The following FTCD variants were observed in gnomAD, a reference collection of about 807,000 sequenced individuals.
FTCD encodes the protein formimidoyltransferase cyclodeaminase.
FTCD carries 76 observed loss-of-function variants against 62.9 expected under a neutral mutation model. The ratio of observed to expected loss-of-function variants is 1.21; its 90% CI spans 1.00 to 1.46. FTCD has a LOEUF of 1.46. Among genes scored for constraint, FTCD ranks in the 40% most tolerant of loss-of-function variants. The pLI, the probability that FTCD is intolerant of heterozygous loss-of-function variation, is 0.00. For missense variants in FTCD, 845 were observed against 751.3 expected, an observed-to-expected ratio of 1.12 and a Z score of -1.46; for synonymous variants, 397 against 336.9, an observed-to-expected ratio of 1.18 and a Z score of -1.95.
intron 10 of FTCD, among the ~76,000 whole-genome samples, chr21:46,143,329 T>TCCCTCTCTCCCCACTC (rs2079060757): frequency 8.8e-6 from 1 of 114,170 alleles, no homozygotes; most frequent in South Asian, 2.9e-4. Context: ...TCTCCCCACC[T>TCCCTCTCTCCCCACTC]CCCTCTCTCC....
At chr21:46,143,385 T>A (rs1438634855) in intron 10 of FTCD, among the ~76,000 whole-genome samples, 2 of 144,540 alleles carry the variant, frequency 1.4e-5, no homozygotes, top group African/African-American at 5.0e-5. Flanking sequence ...ATCTCCCTCT[T>A]GTGGGCGGCA....
Position 46,138,495 on chromosome 21 carries a change from C to A in FTCD, c.1443+13G>T. The A allele has an allele frequency of 6.3e-7, 1 of 1,576,728 alleles. No individual in the cohort carries two copies. The highest frequency in any genetic ancestry group is 2.3e-5 in the East Asian group (1 of 43,958). On this transcript the variant is annotated intron_variant, in intron 12 of 13. Transcript: ENST00000397746. ...TTGCGGCAGGAGGCCTGGGGTCCCC[C>A]GGGCCCCCCTACCTGGAGGTCTGAC...
intron 1 of FTCD, among the ~76,000 whole-genome samples, chr21:46,154,846 C>T (rs1037454721): frequency 2.6e-5 from 4 of 152,250 alleles, no homozygotes; most frequent in African/African-American, 9.6e-5. Context: ...ACGAGGCCTC[C>T]CTGCACCCCT....
intron 1 of FTCD, among the ~76,000 whole-genome samples, chr21:46,154,993 C>A (rs139889294): frequency 6.6e-6 from 1 of 152,312 alleles, no homozygotes; most frequent in South Asian, 2.1e-4. Context: ...CCTGCTGCCC[C>A]CTCTGTGCCT....
chr21:46,138,388 TG>T, intron 12 of FTCD, 119 bp downstream of exon 12: 2 of 949,778 alleles, frequency 2.1e-6, no homozygotes, highest in Non-Finnish European at 3.2e-6. Context: ...GAACTGCCCG[TG>T]AAGTGAGGTC....
At chr21:46,137,705 G>T (rs531055651) in intron 12 of FTCD, among the ~76,000 whole-genome samples, 1 of 152,080 alleles carries the variant, frequency 6.6e-6, no homozygotes, top group Non-Finnish European at 1.5e-5. Context: ...GGACTGAGGG[G>T]ACACTTCTCT....
intron 11 of FTCD, 88 bp downstream of exon 11, chr21:46,138,791 GC>G: frequency 7.0e-7 from 1 of 1,426,554 alleles, no homozygotes; most frequent in Non-Finnish European, 9.9e-7. Flanking sequence ...GGCCAACCAC[GC>G]CCCGTCACAG....
rs145147507 is a variant in FTCD, at chr21:46,138,083, G to A, written c.1443+425C>T. ...CATATGTATCTATTGTACAGCCAGG[G>A]TCCCACTATGTTGCCCAGGCTGGTC... On this transcript the variant is annotated intron_variant, in intron 12 of 13. Transcript: ENST00000397746. Among the ~76,000 whole-genome samples the A allele has an allele frequency of 2.4e-3, 365 of 152,032 alleles. 2 individuals are homozygous for A. Among genetic ancestry groups the A allele is most frequent in the African/African-American group, 8.0e-3 (330 of 41,458 alleles).
chr21:46,141,830 T>G (rs745610814), intron 10 of FTCD, among the ~76,000 whole-genome samples: 2 of 152,168 alleles, frequency 1.3e-5, no homozygotes, highest in Non-Finnish European at 2.9e-5. Context: ...CACTGCTAAA[T>G]GTACGGAACA....
intron 10 of FTCD, among the ~76,000 whole-genome samples, chr21:46,139,452 C>G (rs1225718188): frequency 6.6e-6 from 1 of 152,178 alleles, no homozygotes; most frequent in Non-Finnish European, 1.5e-5. Flanking sequence ...GGACCCACCC[C>G]GTGTGGAAGA....
At chr21:46,140,341 T>A (rs1207159405) in intron 10 of FTCD, among the ~76,000 whole-genome samples, 1 of 125,502 alleles carries the variant, frequency 8.0e-6, no homozygotes. Context: ...TCAGAGGGAG[T>A]GTAAACCAAC....
At chr21:46,153,939 T>C (rs1462673051) in intron 2 of FTCD, among the ~76,000 whole-genome samples, 1 of 151,716 alleles carries the variant, frequency 6.6e-6, no homozygotes, top group Non-Finnish European at 1.5e-5. Flanking sequence ...CGTGGCGACC[T>C]GGGGGTCCCC....
In FTCD at chr21:46,138,642, T is replaced by C; in HGVS notation, c.1309A>G (p.Thr437Ala). 3 of 1,595,428 alleles carry C rather than the reference T, an allele frequency of 1.9e-6. No individual in the cohort carries two copies. The highest frequency in any genetic ancestry group is 1.7e-4 in the Middle Eastern group (1 of 5,766). ...KNTPEEKDRR[T>A]AALQEGLRRA... ...CTCAGACCCTCCTGTAGGGCCGCCG[T>C]GCGCCTGAAAGGAGCAAGAGGAGAG... Residue 437 changes from threonine (T) to alanine (A), a missense_variant, in exon 12 of 14, where the codon ACG (threonine) becomes GCG (alanine). Transcript: ENST00000397746.
chr21:46,144,998 G>A (rs9978174), intron 10 of FTCD, among the ~76,000 whole-genome samples: 1 of 151,578 alleles, frequency 6.6e-6, no homozygotes. Context: ...GAAACGGGTC[G>A]TCTCTGGCCT....
intron 5 of FTCD, among the ~76,000 whole-genome samples, chr21:46,150,754 G>GCCA (rs1342705602): frequency 4.6e-5 from 7 of 152,206 alleles, no homozygotes; most frequent in Admixed American, 1.3e-4. Context: ...GGCCCACCCC[G>GCCA]GCAGGCCCCC....
Position 46,152,897 on chromosome 21 carries a change from G to GGGGGGGGGGGGCC in FTCD, c.367+9_367+10insGGCCCCCCCCCCC. 8.3e-7 allele frequency: 1 copy of GGGGGGGGGGGGCC among 1,210,086 alleles called. No homozygotes were observed. Among genetic ancestry groups the GGGGGGGGGGGGCC allele is most frequent in the Non-Finnish European group, 1.2e-6 (1 of 865,834 alleles). 75.0% of individuals were successfully genotyped at this position (1,210,086 alleles called of 1,614,324 possible). On this transcript the variant is annotated intron_variant, in intron 3 of 13. Coordinates refer to ENST00000397746, the MANE Select transcript of FTCD (RefSeq NM_206965.2). Reference sequence around the variant, plus strand: ...GGAGCAGAGTGAGGGGGGCGGGGGGGCACGCTCACCTGGCACGTCCAGCTC... The same window carrying GGGGGGGGGGGGCC: ...GGAGCAGAGTGAGGGGGGCGGGGGGGGGGGGGGGGGGCCCACGCTCACCTGGCACGTCCAGCTC...
chr21:46,138,440 G>C, intron 12 of FTCD, 68 bp downstream of exon 12: 17 of 1,469,278 alleles, frequency 1.2e-5, no homozygotes, highest in Middle Eastern at 2.4e-4. Context: ...GTGCTCTCCA[G>C]CAACTCAGCC....
rs73144704 is a variant in FTCD at position 46,152,573 on chromosome 21, C to T, written c.367+334G>A. The T allele has an allele frequency of 8.4e-5, 21 of 250,304 alleles. No individual in the cohort carries two copies. In the East Asian group the frequency reaches 1.0e-3, roughly 12 times the overall value. 15.5% of individuals were successfully genotyped at this position (250,304 alleles called of 1,614,324 possible). ...CTAGGGGTGGGTATGCACTTTGTCCCGTTTGTCTCTGTTTGTTTCATATCA... is the reference window on the plus strand; with the variant it reads ...CTAGGGGTGGGTATGCACTTTGTCCTGTTTGTCTCTGTTTGTTTCATATCA... On this transcript the variant is annotated intron_variant, in intron 3 of 13. Transcript: ENST00000397746.
At position 46,142,807 on chromosome 21, in the gene FTCD, C is replaced by A. The variant is rs972682690; in HGVS notation, c.1260+2610G>T. The A allele has an allele frequency of 2.0e-4, 31 of 152,328 alleles. 1 individual carries two copies. Among genetic ancestry groups the A allele is most frequent in the Admixed American group, 1.4e-3 (22 of 15,306 alleles). The allele number at this position is 152,328 out of a possible 1,614,324, so 9.4% of individuals were successfully genotyped here. ...ACAGAGTGCTGATTGGTCCATTTTA[C>A]AGAGTGCTGATTGGTCCGTTTTTAA... On this transcript the variant is annotated intron_variant, in intron 10 of 13. Transcript: ENST00000397746.
Sources: gnomAD v4.1 joint callset for allele counts (sites outside exome capture counted in the v4.1 genomes callset) on GRCh38, gnomAD v4.1.1 for gene constraint, MANE v1.5 for transcripts, NCBI Gene and HGNC (gene_info 2026-07-23, HGNC 2026-07-21) for gene names.